Variants in MARK2 observed in about 807,000 individuals in gnomAD.
MARK2 encodes serine/threonine-protein kinase MARK2.
Under a neutral mutation model 89.8 loss-of-function variants are expected in MARK2, and 16 were observed. That is an observed-to-expected ratio of 0.18 (90% confidence interval 0.12 to 0.27). The LOEUF (loss-of-function observed/expected upper bound fraction) is 0.27. Among genes scored for constraint, MARK2 ranks in the 10% least tolerant of loss-of-function variants. MARK2 has a pLI of 1.00. For missense variants in MARK2, 621 were observed against 1,049.9 expected (o/e 0.59, Z 5.65); for synonymous variants, 382 against 399.5 (o/e 0.96, Z 0.52).
chr11:63,866,554 T>G (rs1458320641), intron 1 of MARK2, among the ~76,000 whole-genome samples: 3 of 152,182 alleles, frequency 2.0e-5, no homozygotes, highest in Non-Finnish European at 4.4e-5. Context: ...TAAGAAATGT[T>G]TAGGTGCTGA....
chr11:63,903,777 C>T lies in MARK2; in HGVS notation c.1515-209C>T, dbSNP rs567008901. ...TCTGATTCCTCTTCCCAGGCACTGA[C>T]CCACCTCGCTGCTTCCCGACCTCAC... On this transcript the variant is annotated intron_variant, in intron 14 of 18. Coordinates refer to ENST00000402010, the MANE Select transcript of MARK2 (RefSeq NM_001039469.3). The surrounding 1 kb of genome is among the most constrained non-coding windows in gnomAD (Gnocchi z 5.1). Among the ~76,000 whole-genome samples, 1 of 152,112 alleles carries T rather than the reference C, an allele frequency of 6.6e-6. No homozygotes were observed. Among genetic ancestry groups the T allele is most frequent in the Non-Finnish European group, 1.5e-5 (1 of 68,006 alleles).
chr11:63,898,152 CAA>C, intron 3 of MARK2, 78 bp from the exon 4 acceptor site: 1 of 1,300,392 alleles, frequency 7.7e-7, no homozygotes, highest in Non-Finnish European at 1.1e-6. Flanking sequence ...TTGGGAAAAA[CAA>C]ATCCTGGCAG....
intron 7 of MARK2, 63 bp downstream of exon 7, chr11:63,899,171 C>A: frequency 9.9e-7 from 1 of 1,014,972 alleles, no homozygotes; most frequent in African/African-American, 1.6e-5. Flanking sequence ...CTTGGTTCTC[C>A]ATGATAAAAC....
chr11:63,848,761 C>T (rs1178795858), intron 1 of MARK2, among the ~76,000 whole-genome samples: 1 of 151,768 alleles, frequency 6.6e-6, no homozygotes, highest in African/African-American at 2.4e-5. Flanking sequence ...TGAGGTTTCA[C>T]CATGTTAGCC....
intron 17 of MARK2, 128 bp downstream of exon 17, chr11:63,906,242 C>A: frequency 1.7e-6 from 2 of 1,160,526 alleles, no homozygotes; most frequent in Admixed American, 8.4e-5. Flanking sequence ...CTGTGTGGCC[C>A]TCCTCTCTCT....
At chr11:63,856,330 T>G (rs1005352152) in intron 1 of MARK2, among the ~76,000 whole-genome samples, 5 of 149,904 alleles carry the variant, frequency 3.3e-5, no homozygotes, top group East Asian at 1.9e-4. Context: ...TGTTTTTTTT[T>G]TTTTTTTAAA....
intron 11 of MARK2, among the ~76,000 whole-genome samples, chr11:63,901,427 GTGTGTGTGTCTC>G (rs974985019): frequency 2.9e-4 from 44 of 149,212 alleles, no homozygotes; most frequent in Non-Finnish European, 4.6e-4. Flanking sequence ...TTCTGGGTGT[GTGTGTGTGTCTC>G]TGTGTGTGTC....
At chr11:63,863,812 AC>A (rs1281194239) in intron 1 of MARK2, among the ~76,000 whole-genome samples, 5 of 150,602 alleles carry the variant, frequency 3.3e-5, no homozygotes, top group Non-Finnish European at 5.9e-5. Context: ...TTGTTCTGTC[AC>A]CCAAGCTGGA....
intron 1 of MARK2, among the ~76,000 whole-genome samples, chr11:63,862,015 C>T (rs184831213): frequency 4.6e-4 from 69 of 151,130 alleles, no homozygotes; most frequent in Non-Finnish European, 7.2e-4. Context: ...TCTCCGCCTC[C>T]TGGGTTCAAG....
intron 1 of MARK2, among the ~76,000 whole-genome samples, chr11:63,848,270 C>T (rs2016380035): frequency 6.6e-6 from 1 of 152,184 alleles, no homozygotes; most frequent in East Asian, 1.9e-4. Flanking sequence ...GCTGGTTGCC[C>T]CTGTTGATAC....
chr11:63,866,752 G>A (rs1938156672), intron 1 of MARK2, among the ~76,000 whole-genome samples: 1 of 152,116 alleles, frequency 6.6e-6, no homozygotes, highest in African/African-American at 2.4e-5. Context: ...TTCTTTTGAG[G>A]TGATTTGGAC....
intron 1 of MARK2, among the ~76,000 whole-genome samples, chr11:63,876,664 CT>C (rs957427804): frequency 6.6e-6 from 1 of 152,164 alleles, no homozygotes; most frequent in African/African-American, 2.4e-5. Context: ...CCAGTTAGAG[CT>C]GCCTTTTAGG....
chr11:63,867,539 T>G (rs1035549737), intron 1 of MARK2, among the ~76,000 whole-genome samples: 1 of 152,218 alleles, frequency 6.6e-6, no homozygotes, highest in African/African-American at 2.4e-5. Flanking sequence ...TGTAAGGGGC[T>G]TTTTCCAACT....
chr11:63,887,421 A>G (rs1294518119), intron 1 of MARK2, among the ~76,000 whole-genome samples: 4 of 152,222 alleles, frequency 2.6e-5, no homozygotes, highest in African/African-American at 9.6e-5. Flanking sequence ...GGAGAAAACA[A>G]AGTGTAAGCG....
At chr11:63,872,492 C>G (rs755000886) in intron 1 of MARK2, among the ~76,000 whole-genome samples, 3 of 152,152 alleles carry the variant, frequency 2.0e-5, no homozygotes, top group Admixed American at 2.0e-4. Context: ...ACTTCTGACT[C>G]CATAGGCTGT....
rs759619611 is a variant in MARK2, at chr11:63,845,759, G to A, written c.54+6199G>A. Reference sequence around the variant, plus strand: ...TTTTTTTTGAGACAGTCTTGCTCTGGTCACCCAGGCTGGAGTGCAGTGGCA... The same window carrying A: ...TTTTTTTTGAGACAGTCTTGCTCTGATCACCCAGGCTGGAGTGCAGTGGCA... On this transcript the variant is annotated intron_variant, in intron 1 of 18. Coordinates refer to ENST00000402010, the MANE Select transcript of MARK2 (RefSeq NM_001039469.3). 3.1e-4 allele frequency among the ~76,000 whole-genome samples: 47 copies of A among 152,170 alleles called. No individual in the cohort carries two copies. In the South Asian group the frequency reaches 3.5e-3, roughly 11 times the overall value.
chr11:63,868,778 G>T, intron 1 of MARK2: 1 of 456,050 alleles, frequency 2.2e-6, no homozygotes, highest in South Asian at 1.5e-5. Flanking sequence ...GAACACTAGT[G>T]TTGGGAATAT....
intron 1 of MARK2, among the ~76,000 whole-genome samples, chr11:63,854,271 C>T (rs1290675471): frequency 6.6e-6 from 1 of 151,016 alleles, no homozygotes; most frequent in Non-Finnish European, 1.5e-5. Context: ...GCAACCTCCG[C>T]CCACTGCAAC....
At chr11:63,906,710 G>C (rs1941366430) in intron 17 of MARK2, among the ~76,000 whole-genome samples, 1 of 151,836 alleles carries the variant, frequency 6.6e-6, no homozygotes, top group Non-Finnish European at 1.5e-5. Flanking sequence ...GGGGACCCTG[G>C]GGCCCCAAGG....
Sources: gnomAD v4.1 joint callset for allele counts (sites outside exome capture counted in the v4.1 genomes callset) on GRCh38, gnomAD v4.1.1 for gene constraint, Gnocchi (gnomAD v3.1) non-coding constraint, MANE v1.5 for transcripts, NCBI Gene and HGNC (gene_info 2026-07-23, HGNC 2026-07-21) for gene names.